Variants in FAM168B observed in about 807,000 individuals in gnomAD.
The protein encoded by FAM168B is myelin-associated neurite-outgrowth inhibitor.
A neutral mutation model predicts 21.8 loss-of-function variants in FAM168B; 19 were observed. That is an observed-to-expected ratio of 0.87 (90% CI 0.61 to 1.28). The LOEUF (loss-of-function observed/expected upper bound fraction) is 1.28, where lower values mean the gene tolerates loss of function less well. Ranked by LOEUF, FAM168B falls within the 50% of genes most tolerant of loss-of-function variation. The pLI is 0.00. For synonymous variants in FAM168B, 126 were observed against 104.8 expected, an observed-to-expected ratio of 1.20 and a Z score of -1.24; for missense variants, 233 against 263.1, an observed-to-expected ratio of 0.89 and a Z score of 0.79.
In FAM168B at chr2:131,050,048, G is replaced by A; in HGVS notation, c.*2417C>T. ...GTGCAATGCAAACTTATTTCATAAA[G>A]CCTCTCAACTTCATAAAAGGGAAAA... On this transcript the variant is annotated 3_prime_UTR_variant, in exon 7 of 7. Coordinates refer to ENST00000389915, the MANE Select transcript of FAM168B (RefSeq NM_001009993.4). The A allele has an allele frequency of 2.0e-6, 2 of 985,446 alleles. No individual in the cohort carries two copies. Among genetic ancestry groups the A allele is most frequent in the Non-Finnish European group, 2.4e-6 (2 of 829,936 alleles). 61.0% of individuals were successfully genotyped at this position (985,446 alleles called of 1,614,324 possible).
intron 3 of FAM168B, among the ~76,000 whole-genome samples, chr2:131,069,735 C>T (rs1248818551): frequency 1.3e-5 from 2 of 152,078 alleles, no homozygotes; most frequent in African/African-American, 4.8e-5. Flanking sequence ...CCTCATGATC[C>T]ACCCACCCCG....
chr2:131,049,673 AT>A lies in FAM168B; in HGVS notation c.*2791del, dbSNP rs150161702. The A allele has an allele frequency of 1.7e-3, 1,688 of 985,832 alleles. 26 individuals are homozygous for A. In the African/African-American group the frequency reaches 0.028, roughly 16 times the overall value. 61.1% of individuals were successfully genotyped at this position (985,832 alleles called of 1,614,324 possible). On this transcript the variant is annotated 3_prime_UTR_variant, in exon 7 of 7. Transcript: ENST00000389915. ...TTTTTAAATAGCCATCATGATGTCC[AT>A]GTTTACATGAACTAGGTCCTTTGCT...
At chr2:131,072,128 G>A (rs1229453594) in intron 2 of FAM168B, among the ~76,000 whole-genome samples, 190 bp from the exon 3 acceptor site, 1 of 152,012 alleles carries the variant, frequency 6.6e-6, no homozygotes, top group Non-Finnish European at 1.5e-5. Context: ...TTTTTTTATC[G>A]TTGTCGTCTT....
intron 1 of FAM168B, among the ~76,000 whole-genome samples, chr2:131,091,948 T>G (rs1247621212): frequency 6.8e-6 from 1 of 146,462 alleles, no homozygotes; most frequent in African/African-American, 2.6e-5. Context: ...GCTAACACGG[T>G]GAAACCTCGT....
At chr2:131,092,681 G>A (rs780519073) in intron 1 of FAM168B, among the ~76,000 whole-genome samples, 14 of 152,096 alleles carry the variant, frequency 9.2e-5, no homozygotes, top group Non-Finnish European at 1.8e-4. Context: ...AAGGCGCACT[G>A]CACTCTTTTT....
At chr2:131,076,493 C>CAAA (rs200643042) in intron 2 of FAM168B, among the ~76,000 whole-genome samples, 2 of 148,268 alleles carry the variant, frequency 1.3e-5, no homozygotes, top group African/African-American at 4.9e-5. Context: ...AATAAAAGTA[C>CAAA]AAAAAAAAAA....
chr2:131,057,721 G>A (rs1309460757), intron 3 of FAM168B, among the ~76,000 whole-genome samples: 2 of 152,072 alleles, frequency 1.3e-5, no homozygotes, highest in African/African-American at 4.8e-5. Context: ...ATTCTGCCTG[G>A]GCGACAAAGT....
intron 1 of FAM168B, among the ~76,000 whole-genome samples, chr2:131,086,782 A>ATAGTGTTCTG (rs1573822542): frequency 2.0e-5 from 3 of 147,540 alleles, no homozygotes; most frequent in South Asian, 2.1e-4. Context: ...TCACAAGAGA[A>ATAGTGTTCTG]AGGCCGGGCG....
At chr2:131,078,971 A>C (rs1362056703) in intron 2 of FAM168B, among the ~76,000 whole-genome samples, 1 of 151,060 alleles carries the variant, frequency 6.6e-6, no homozygotes, top group Non-Finnish European at 1.5e-5. Context: ...TGAATGACAG[A>C]GCAAGACCCT....
intron 1 of FAM168B, among the ~76,000 whole-genome samples, chr2:131,085,995 G>C (rs1693676719): frequency 6.6e-6 from 1 of 152,166 alleles, no homozygotes; most frequent in Non-Finnish European, 1.5e-5. Flanking sequence ...GGACAGTGCA[G>C]GCCTACAGTT....
intron 3 of FAM168B, among the ~76,000 whole-genome samples, chr2:131,061,295 TAAAAA>T (rs775802154): frequency 1.5e-5 from 2 of 130,680 alleles, no homozygotes; most frequent in South Asian, 4.8e-4. Context: ...CTCCAAAATT[TAAAAA>T]AAAAAAAAAA....
rs1426042477 is a variant in FAM168B, at chr2:131,052,964, G to C, written c.527C>G (p.Thr176Ser). 1.3e-6 allele frequency: 2 copies of C among 1,562,420 alleles called. No individual in the cohort carries two copies. The highest frequency in any genetic ancestry group is 8.7e-7 in the Non-Finnish European group (1 of 1,152,850). Residue 176 changes from threonine to serine, a missense_variant, in exon 6 of 7, where the codon ACT (threonine) becomes AGT (serine). Thr to Ser is a moderately conservative substitution (Grantham distance 58, BLOSUM62 1). Transcript: ENST00000389915. ...SPTPVAPHPV[T>S]VPTYRAPGTP... ...TCCTGGGGCCCGGTACGTGGGCACA[G>C]TGACCGGGTGGGGGGCGACAGGAGT...
intron 3 of FAM168B, among the ~76,000 whole-genome samples, chr2:131,056,051 C>T (rs1020660914): frequency 3.3e-5 from 5 of 152,154 alleles, no homozygotes; most frequent in Admixed American, 2.0e-4. Flanking sequence ...AGTATATATG[C>T]CTTTTAATCC....
chr2:131,075,803 A>G (rs1693123775), intron 2 of FAM168B, among the ~76,000 whole-genome samples: 1 of 152,136 alleles, frequency 6.6e-6, no homozygotes, highest in African/African-American at 2.4e-5. Context: ...GTTTCTAACA[A>G]GAAGTTAACA....
At chr2:131,085,097 G>C (rs746120589) in intron 1 of FAM168B, among the ~76,000 whole-genome samples, 27 of 152,098 alleles carry the variant, frequency 1.8e-4, no homozygotes, top group Non-Finnish European at 3.1e-4. Context: ...TGGGGGTAGG[G>C]GGGTATATGG....
chr2:131,065,726 T>C (rs1347261899), intron 3 of FAM168B, among the ~76,000 whole-genome samples: 6 of 150,004 alleles, frequency 4.0e-5, no homozygotes, highest in Admixed American at 6.7e-5. Context: ...GTGGCAAGGC[T>C]TGCAGTGAGC....
At chr2:131,070,261 CAA>C (rs1692807303) in intron 3 of FAM168B, among the ~76,000 whole-genome samples, 1 of 152,176 alleles carries the variant, frequency 6.6e-6, no homozygotes, top group South Asian at 2.1e-4. Flanking sequence ...CTCAAAAACT[CAA>C]CGATAAGAAA....
chr2:131,089,671 T>C (rs1693906331), intron 1 of FAM168B, among the ~76,000 whole-genome samples: 1 of 147,012 alleles, frequency 6.8e-6, no homozygotes, highest in African/African-American at 2.5e-5. Context: ...TGAGCCGAGA[T>C]GGCGCCACTG....
rs1330304640 is a variant in FAM168B, at chr2:131,049,538, C to A, written c.*2927G>T. The A allele has an allele frequency of 1.0e-6, 1 of 985,364 alleles. No individual in the cohort carries two copies. The highest frequency in any genetic ancestry group is 1.2e-6 in the Non-Finnish European group (1 of 829,968). The allele number at this position is 985,364 out of a possible 1,614,324, so 61.0% of individuals were successfully genotyped here. ...CAAGTTCATGGGTCACTGGCTCACA[C>A]TAAATGCTCAGCCGCCAGCACAGAT... is the stretch of plus-strand genomic sequence containing the variant. On this transcript the variant is annotated 3_prime_UTR_variant, in exon 7 of 7. Transcript: ENST00000389915.
Sources: allele counts gnomAD v4.1 joint callset (sites outside exome capture counted in the v4.1 genomes callset), GRCh38; gene constraint gnomAD v4.1.1; transcripts MANE v1.5; gene names NCBI Gene and HGNC (gene_info 2026-07-23, HGNC 2026-07-21).